The following ADNP2 variants were observed in gnomAD, a reference collection of about 807,000 sequenced individuals.
ADNP2 encodes the protein ADNP homeobox 2.
Under a neutral mutation model 16.4 loss-of-function variants are expected in ADNP2, and 8 were observed. The ratio of observed to expected loss-of-function variants is 0.49; its 90% CI spans 0.29 to 0.88. The LOEUF is 0.88. Among genes scored for constraint, ADNP2 ranks in the 40% least tolerant of loss-of-function variants. The pLI, the probability that ADNP2 is intolerant of heterozygous loss-of-function variation, is 0.09. For missense variants in ADNP2, 1,397 were observed against 1,395.1 expected (o/e 1.00, Z -0.02); for synonymous variants, 637 against 545.8 (o/e 1.17, Z -2.33).
Position 80,137,345 on chromosome 18 carries a change from G to A in ADNP2, c.1932G>A (p.Leu644=). 1 of 1,613,980 alleles carries A rather than the reference G, an allele frequency of 6.2e-7. No homozygotes were observed. The highest frequency in any genetic ancestry group is 8.5e-7 in the Non-Finnish European group (1 of 1,179,930). The change falls in exon 4 of 4, where the codon CTG becomes CTA. Residue 644 remains leucine (L), a synonymous_variant. Coordinates refer to ENST00000262198, the MANE Select transcript of ADNP2 (RefSeq NM_014913.4). The surrounding 1 kb of genome is among the most constrained non-coding windows in gnomAD (Gnocchi z 4.2). ...VAPPQMPIQL[L]PSGAAAPMAG... ...CGCCCCAGATGCCCATCCAGCTCCT[G>A]CCGTCAGGTGCAGCTGCACCAATGG... is the stretch of plus-strand genomic sequence containing the variant.
chr18:80,116,125 A>C (rs546490554), intron 1 of ADNP2, among the ~76,000 whole-genome samples: 7 of 152,342 alleles, frequency 4.6e-5, no homozygotes, highest in Non-Finnish European at 8.8e-5. Context: ...AGAATCATAC[A>C]ATATGTGGTC....
chr18:80,138,702 A>T lies in ADNP2; in HGVS notation c.3289A>T (p.Ile1097Phe), dbSNP rs2145219926. ...TTCATTTTTTGGAAAAAGAAGGTAT[A>T]TTTGCATGAAAGCAATAAAAAATCA... is the stretch of plus-strand genomic sequence containing the variant. Reference protein sequence around the residue: ...VASFFGKRRYICMKAIKNHKP... With the variant: ...VASFFGKRRYFCMKAIKNHKP... The change falls in exon 4 of 4, where the codon ATT becomes TTT. Residue 1097 changes from isoleucine (I) to phenylalanine (F), a missense_variant. Ile to Phe is a conservative substitution (Grantham distance 21). Coordinates refer to ENST00000262198, the MANE Select transcript of ADNP2 (RefSeq NM_014913.4). The T allele has an allele frequency of 6.2e-7, 1 of 1,611,672 alleles. No individual in the cohort carries two copies. The highest frequency in any genetic ancestry group is 1.1e-5 in the South Asian group (1 of 90,074).
At chr18:80,121,126 T>C (rs1324718960) in intron 2 of ADNP2, among the ~76,000 whole-genome samples, 1 of 152,210 alleles carries the variant, frequency 6.6e-6, no homozygotes, top group Non-Finnish European at 1.5e-5. Context: ...TCTGTTCACA[T>C]CATTACCAAC....
chr18:80,110,045 A>C (rs948396001), intron 1 of ADNP2: 3 of 152,202 alleles, frequency 2.0e-5, no homozygotes, highest in Non-Finnish European at 4.4e-5. Flanking sequence ...GGTGACACCT[A>C]AATCTGCCCA....
In ADNP2 at chr18:80,136,275, C is replaced by T. The variant is rs2052533209; in HGVS notation, c.862C>T (p.Gln288Ter). 1 of 1,613,674 alleles carries T rather than the reference C, an allele frequency of 6.2e-7. No individual in the cohort carries two copies. Among genetic ancestry groups the T allele is most frequent in the African/African-American group, 1.3e-5 (1 of 74,942 alleles). The change falls in exon 4 of 4, where the codon CAG (glutamine) becomes TAG (stop). Residue 288 changes from glutamine to a stop codon, truncating the protein, a stop_gained. Transcript: ENST00000262198. LOFTEE classifies it low-confidence loss of function (END_TRUNC). ...TGGCAGTGCTCCAAGCGCTCCAGCGCAGCCTCCTTGCTTCCATCTTGCTTT... is the reference window on the plus strand; with the variant it reads ...TGGCAGTGCTCCAAGCGCTCCAGCGTAGCCTCCTTGCTTCCATCTTGCTTT... Reference protein sequence around the residue: ...ANGSAPSAPAQPPCFHLALPQ... With the variant: ...ANGSAPSAPA
Position 80,138,956 on chromosome 18 carries a change from ACCCCTGTTAC to A in ADNP2, c.*149_*158del, listed in dbSNP as rs566478255. 1.7e-4 allele frequency: 105 copies of A among 625,404 alleles called. No homozygotes were observed. In the South Asian group the frequency reaches 4.1e-3, roughly 25 times the overall value. 38.7% of individuals were successfully genotyped at this position (625,404 alleles called of 1,614,324 possible). On this transcript the variant is annotated 3_prime_UTR_variant, in exon 4 of 4. Transcript: ENST00000262198. ...CAGAGTTACTTCAGGTGCTGGAGAG[ACCCCTGTTAC>A]CAGGAAGCCAGTAGTTATTTCACAT...
rs2052389485 is a variant in ADNP2 at position 80,116,370 on chromosome 18, A to G, written c.-13-1160A>G. ...CATCCTTATATAAGTTTTTGGGTGG[A>G]TGTATGCTTTTCTCTTGAGTGGAAT... On this transcript the variant is annotated intron_variant, in intron 1 of 3. Transcript: ENST00000262198. Among the ~76,000 whole-genome samples the G allele has an allele frequency of 4.6e-5, 7 of 152,230 alleles. No homozygotes were observed. In the South Asian group the frequency reaches 1.5e-3, roughly 32 times the overall value.
chr18:80,109,693 C>G (rs962237449), intron 1 of ADNP2: 1 of 150,426 alleles, frequency 6.6e-6, no homozygotes, highest in South Asian at 2.0e-4. Flanking sequence ...CGACCCCCGA[C>G]GCGCCCGCGG....
chr18:80,118,194 G>A (rs12960310), intron 2 of ADNP2, among the ~76,000 whole-genome samples: 26,888 of 152,030 alleles, frequency 0.18, 2,642 homozygotes, highest in Middle Eastern at 0.25. Flanking sequence ...GGAGGCTGAG[G>A]TGGATGGATC....
intron 2 of ADNP2, among the ~76,000 whole-genome samples, chr18:80,124,280 T>C (rs2052444190): frequency 6.6e-6 from 1 of 152,234 alleles, no homozygotes; most frequent in South Asian, 2.1e-4. Context: ...TTTCCTGAGA[T>C]GGAATGAATC....
intron 2 of ADNP2, among the ~76,000 whole-genome samples, chr18:80,129,082 G>C (rs2052478715): frequency 7.0e-6 from 1 of 142,670 alleles, no homozygotes; most frequent in Admixed American, 6.9e-5. Context: ...GATTTCTTCA[G>C]TTTTACCCAG....
At position 80,136,436 on chromosome 18, in the gene ADNP2, C is replaced by T. The variant is rs375402798; in HGVS notation, c.1023C>T (p.Gly341=). The T allele has an allele frequency of 5.0e-6, 8 of 1,614,040 alleles. No individual in the cohort carries two copies. The highest frequency in any genetic ancestry group is 2.7e-5 in the African/African-American group (2 of 74,930). The change falls in exon 4 of 4, where the codon GGC becomes GGT. Residue 341 remains glycine, a synonymous_variant. Transcript: ENST00000262198. The part of the protein sequence containing the change: ...MTLVSSPLPV[G]QNSLTLQPPA... ...TGGTCTCCAGCCCTCTGCCTGTGGG[C>T]CAGAACAGCCTCACCCTGCAGCCCC... is the stretch of plus-strand genomic sequence containing the variant.
At chr18:80,127,792 T>G (rs192564332) in intron 2 of ADNP2, among the ~76,000 whole-genome samples, 88 of 152,348 alleles carry the variant, frequency 5.8e-4, no homozygotes, top group Non-Finnish European at 1.1e-3. Flanking sequence ...CAGACCTTGC[T>G]GTGAAGGCTT....
intron 1 of ADNP2, among the ~76,000 whole-genome samples, chr18:80,112,222 A>G (rs762145857): frequency 3.3e-5 from 5 of 152,182 alleles, no homozygotes; most frequent in Admixed American, 6.5e-5. Context: ...GGCATTTTAC[A>G]TGGAATATTT....
At position 80,137,264 on chromosome 18, in the gene ADNP2, G is replaced by C; in HGVS notation, c.1851G>C (p.Leu617=). The change falls in exon 4 of 4, where the codon CTG becomes CTC. Residue 617 remains leucine, a synonymous_variant. Coordinates refer to ENST00000262198, the MANE Select transcript of ADNP2 (RefSeq NM_014913.4). This position sits in a 1 kb window ranked among gnomAD's most constrained non-coding sequence, Gnocchi z 4.2. ...TGAATGGGATTCCAACCTACACGCT[G>C]GCCCCCGTGTCTGTCACTCTGCCGG... ...KQVNGIPTYT[L]APVSVTLPVP... is the part of the protein sequence containing the mutation. The C allele has an allele frequency of 6.2e-7, 1 of 1,614,148 alleles. No individual in the cohort carries two copies. The highest frequency in any genetic ancestry group is 8.5e-7 in the Non-Finnish European group (1 of 1,180,032).
chr18:80,140,185 G>T lies in ADNP2; in HGVS notation c.*1376G>T, dbSNP rs1168133743. 4 of 152,374 alleles carry T rather than the reference G, an allele frequency of 2.6e-5. No individual in the cohort carries two copies. The highest frequency in any genetic ancestry group is 9.7e-5 in the African/African-American group (4 of 41,412). 9.4% of individuals were successfully genotyped at this position (152,374 alleles called of 1,614,324 possible). A position where few individuals can be genotyped will look rare whatever the true frequency, so the allele number is the denominator to read the frequency against. On this transcript the variant is annotated 3_prime_UTR_variant, in exon 4 of 4. Coordinates refer to ENST00000262198, the MANE Select transcript of ADNP2 (RefSeq NM_014913.4). ...ATTTTAAAAAATATAATACTTGCAT[G>T]TAATTGCTATAATGTTCATATTTGA...
chr18:80,138,506 C>A lies in ADNP2; in HGVS notation c.3093C>A (p.Val1031=), dbSNP rs1259025682. ...RNESRTEGPI[V]KDEALQILAL... ...AAAGCAGAACAGAGGGACCTATTGT[C>A]AAGGACGAGGCTCTTCAGATTTTAG... Residue 1031 remains valine (V), a synonymous_variant, in exon 4 of 4, where the codon GTC becomes GTA. Transcript: ENST00000262198. The A allele has an allele frequency of 4.3e-6, 7 of 1,614,116 alleles. No individual in the cohort carries two copies. Among genetic ancestry groups the A allele is most frequent in the Non-Finnish European group, 5.9e-6 (7 of 1,180,044 alleles).
rs375230822 is a variant in ADNP2, at chr18:80,136,745, C to T, written c.1332C>T (p.Val444=). The stretch of plus-strand genomic sequence containing the variant: ...GGGTGCTTTCTGTGAGTCGGGCGGT[C>T]CCGTCTGGAGTCCTTCCTGCAGGCC... The part of the protein sequence containing the change: ...SPGVLSVSRA[V]PSGVLPAGQM... The change falls in exon 4 of 4, where the codon GTC becomes GTT. Residue 444 remains valine, a synonymous_variant. Transcript: ENST00000262198. The T allele has an allele frequency of 3.0e-5, 49 of 1,612,214 alleles. No individual in the cohort carries two copies. In the Admixed American group the frequency reaches 7.3e-4, roughly 24 times the overall value.
chr18:80,132,617 T>TTC (rs1234575907), intron 2 of ADNP2, among the ~76,000 whole-genome samples: 7 of 152,102 alleles, frequency 4.6e-5, no homozygotes, highest in African/African-American at 1.7e-4. Flanking sequence ...CTCTTTCTCT[T>TTC]TCTTTTTTCT....
Sources: allele counts gnomAD v4.1 joint callset (sites outside exome capture counted in the v4.1 genomes callset), GRCh38; gene constraint gnomAD v4.1.1; non-coding constraint Gnocchi (gnomAD v3.1); transcripts MANE v1.5; gene names NCBI Gene and HGNC (gene_info 2026-07-23, HGNC 2026-07-21).